Variants in STIM2 observed in about 807,000 individuals in gnomAD.
The protein encoded by STIM2 is stromal interaction molecule 2.
Under a neutral mutation model 85.8 loss-of-function variants are expected in STIM2, and 31 were observed. That is an observed-to-expected ratio of 0.36 (90% CI 0.27 to 0.49). The LOEUF (loss-of-function observed/expected upper bound fraction) is 0.49. Among genes scored for constraint, STIM2 ranks in the 20% least tolerant of loss-of-function variants. The pLI is 0.98. For missense variants in STIM2, 841 were observed against 927.6 expected, an observed-to-expected ratio of 0.91 and a Z score of 1.21; for synonymous variants, 356 against 331.1, an observed-to-expected ratio of 1.08 and a Z score of -0.82.
rs1169816763 is a variant in STIM2, at chr4:27,022,691, G to T, written c.1936G>T (p.Val646Leu). Residue 646 changes from valine to leucine, a missense_variant, in exon 12 of 12, where the codon GTG (valine) becomes TTG (leucine). Physicochemically the swap from Val to Leu is conservative, Grantham distance 32 (BLOSUM62 1). This residue lies in a region of STIM2 where 293 missense variants were observed against 284.5 expected (regional missense o/e 1.03). Transcript: ENST00000467087. ...AGGGGATTCGCCTGTAACTGTGGAT[G>T]TGTCTTGGGGTTCTCCCGACTGTGT... The T allele has an allele frequency of 1.2e-6, 2 of 1,614,238 alleles. No homozygotes were observed. Among genetic ancestry groups the T allele is most frequent in the East Asian group, 4.5e-5 (2 of 44,876 alleles).
chr4:26,970,003 T>C (rs975127828), intron 3 of STIM2, among the ~76,000 whole-genome samples: 1 of 151,800 alleles, frequency 6.6e-6, no homozygotes, highest in African/African-American at 2.4e-5. Flanking sequence ...TTTGTCTAAG[T>C]CTTTTTTAAA....
chr4:26,884,580 G>A (rs1326228306), intron 1 of STIM2, among the ~76,000 whole-genome samples: 2 of 152,202 alleles, frequency 1.3e-5, no homozygotes, highest in Non-Finnish European at 2.9e-5. Flanking sequence ...ACAGGAAATT[G>A]TGTCGTTGTA....
intron 3 of STIM2, among the ~76,000 whole-genome samples, chr4:26,980,995 A>G (rs895088967): frequency 6.6e-6 from 1 of 152,196 alleles, no homozygotes. Flanking sequence ...TCCAGCAACA[A>G]GTAAACTTAG....
chr4:26,897,456 G>T (rs567775360), intron 1 of STIM2, among the ~76,000 whole-genome samples: 2 of 151,928 alleles, frequency 1.3e-5, no homozygotes, highest in African/African-American at 4.8e-5. Context: ...TTTTCTAATT[G>T]GAATTTGATT....
At chr4:26,959,270 C>G (rs1489086534) in intron 3 of STIM2, among the ~76,000 whole-genome samples, 1 of 152,166 alleles carries the variant, frequency 6.6e-6, no homozygotes, top group Non-Finnish European at 1.5e-5. Context: ...GTGCTCCATT[C>G]ATTCTGGACC....
intron 1 of STIM2, among the ~76,000 whole-genome samples, chr4:26,896,993 C>T (rs1387610908): frequency 6.6e-6 from 1 of 152,168 alleles, no homozygotes; most frequent in African/African-American, 2.4e-5. Context: ...GCATAATACT[C>T]TTAAGATCCA....
intron 2 of STIM2, among the ~76,000 whole-genome samples, chr4:26,954,740 G>A (rs1298037640): frequency 1.4e-5 from 2 of 147,674 alleles, no homozygotes; most frequent in Admixed American, 1.3e-4. Flanking sequence ...AATGTGTTTG[G>A]TTCATTTAAA....
chr4:26,904,486 G>T (rs900984485), intron 1 of STIM2, among the ~76,000 whole-genome samples: 7 of 152,060 alleles, frequency 4.6e-5, no homozygotes, highest in Non-Finnish European at 7.4e-5. Flanking sequence ...ATTAAATGAG[G>T]AAGAAAATGA....
intron 3 of STIM2, among the ~76,000 whole-genome samples, chr4:26,972,621 G>A (rs1426996757): frequency 1.3e-5 from 2 of 152,300 alleles, no homozygotes; most frequent in South Asian, 2.1e-4. Context: ...GCTTTTTGAT[G>A]TGCTGCTGGA....
chr4:26,970,375 C>T (rs1433073648), intron 3 of STIM2, among the ~76,000 whole-genome samples: 1 of 151,912 alleles, frequency 6.6e-6, no homozygotes, highest in Non-Finnish European at 1.5e-5. Context: ...GGTATTTCTC[C>T]TAATGCTATC....
chr4:26,990,256 A>G (rs1245936255), intron 3 of STIM2, among the ~76,000 whole-genome samples: 1 of 152,194 alleles, frequency 6.6e-6, no homozygotes, highest in Non-Finnish European at 1.5e-5. Flanking sequence ...ATAAAAACAG[A>G]CACATATACC....
At chr4:26,957,405 G>A (rs1726286581) in intron 2 of STIM2, among the ~76,000 whole-genome samples, 1 of 152,136 alleles carries the variant, frequency 6.6e-6, no homozygotes, top group Non-Finnish European at 1.5e-5. Context: ...GCTGTTGCTG[G>A]TGGTGGTGGC....
chr4:27,021,848 G>C (rs1365511847), intron 11 of STIM2, among the ~76,000 whole-genome samples: 1 of 152,064 alleles, frequency 6.6e-6, no homozygotes, highest in Non-Finnish European at 1.5e-5. Context: ...ACTATATGTT[G>C]GTTTTGGGGT....
At chr4:26,987,707 G>A (rs1380923805) in intron 3 of STIM2, among the ~76,000 whole-genome samples, 1 of 152,158 alleles carries the variant, frequency 6.6e-6, no homozygotes, top group East Asian at 1.9e-4. Flanking sequence ...GAGCTTTTCT[G>A]TTACTCCCTC....
intron 3 of STIM2, among the ~76,000 whole-genome samples, chr4:26,968,917 A>T (rs1726830119): frequency 6.6e-6 from 1 of 152,158 alleles, no homozygotes; most frequent in Non-Finnish European, 1.5e-5. Context: ...ACATTAAAAA[A>T]TAATTCAGCA....
intron 7 of STIM2, among the ~76,000 whole-genome samples, chr4:27,004,141 G>T (rs563240294): frequency 4.2e-4 from 64 of 152,148 alleles, no homozygotes; most frequent in Non-Finnish European, 5.0e-4. Flanking sequence ...CAACTCATGA[G>T]AATACATTAC....
intron 2 of STIM2, among the ~76,000 whole-genome samples, chr4:26,946,586 A>C (rs1373060687): frequency 6.6e-6 from 1 of 152,258 alleles, no homozygotes; most frequent in Non-Finnish European, 1.5e-5. Flanking sequence ...GCGTGCACAC[A>C]TGTATGTCCA....
intron 1 of STIM2, among the ~76,000 whole-genome samples, chr4:26,904,524 G>A (rs1183136513): frequency 6.6e-6 from 1 of 152,068 alleles, no homozygotes. Flanking sequence ...TTACTTATAG[G>A]CACGATAACA....
intron 3 of STIM2, among the ~76,000 whole-genome samples, chr4:26,963,646 G>A (rs183387341): frequency 6.6e-6 from 1 of 152,286 alleles, no homozygotes; most frequent in East Asian, 1.9e-4. Context: ...ATTCAAGAAG[G>A]TTTGATTAAA....
Sources: gnomAD v4.1 joint callset for allele counts (sites outside exome capture counted in the v4.1 genomes callset) on GRCh38, gnomAD v4.1.1 for gene constraint, gnomAD v4.1.1 regional missense constraint, MANE v1.5 for transcripts, NCBI Gene and HGNC (gene_info 2026-07-23, HGNC 2026-07-21) for gene names.